The following CTBP2 variants were observed in gnomAD, a reference collection of about 807,000 sequenced individuals.
The protein encoded by CTBP2 is C-terminal-binding protein 2.
Under a neutral mutation model 80.3 loss-of-function variants are expected in CTBP2, and 30 were observed. The ratio of observed to expected loss-of-function variants is 0.37; its 90% CI spans 0.28 to 0.51. The LOEUF (loss-of-function observed/expected upper bound fraction) is 0.51. CTBP2 is among the 20% of genes least tolerant of loss of function. The pLI, the probability that CTBP2 is intolerant of heterozygous loss-of-function variation, is 0.93. For missense variants in CTBP2, 1,212 were observed against 1,375.3 expected (o/e 0.88, Z 1.88); for synonymous variants, 594 against 587.4 (o/e 1.01, Z -0.16).
rs1484438442 is a variant in CTBP2 at position 125,098,661 on chromosome 10, A to G, written c.-102+12329T>C. Among the ~76,000 whole-genome samples the G allele has an allele frequency of 2.8e-3, 130 of 46,252 alleles. 1 individual carries two copies. The highest frequency in any genetic ancestry group is 0.012 in the African/African-American group (123 of 9,862). The allele number at this position is 46,252 out of a possible 152,430, so 30.3% of individuals were successfully genotyped here. ...AGAGAGAGAAATGGGGGAGGGGGAGAGAGAGAGAGAGAGAGAGAGAGAGAG... is the reference window on the plus strand; with the variant it reads ...AGAGAGAGAAATGGGGGAGGGGGAGGGAGAGAGAGAGAGAGAGAGAGAGAG... On this transcript the variant is annotated intron_variant, in intron 2 of 10. Coordinates refer to the CTBP2 transcript ENST00000337195.
At chr10:125,025,743 G>A (rs907760229) in intron 1 of CTBP2, among the ~76,000 whole-genome samples, 2 of 152,098 alleles carry the variant, frequency 1.3e-5, no homozygotes, top group African/African-American at 4.8e-5. Context: ...CACCCCTCGT[G>A]AGCTCAAGGC....
In CTBP2 at chr10:125,026,905, G is replaced by A. The variant is rs542054569; in HGVS notation, c.855C>T (p.Gly285=). 2 of 1,614,022 alleles carry A rather than the reference G, an allele frequency of 1.2e-6. No homozygotes were observed. Among genetic ancestry groups the A allele is most frequent in the Non-Finnish European group, 1.7e-6 (2 of 1,180,028 alleles). The change falls in exon 1 of 9, where the codon GGC becomes GGT. Residue 285 remains glycine (G), a synonymous_variant. Coordinates refer to ENST00000309035, the MANE Select transcript of CTBP2 (RefSeq NM_022802.3). ...GGAACTCAGGGAGCACGGTCCTCTTGCCACCAGGACCCTGGAAGGTGGACA... is the reference window on the plus strand; with the variant it reads ...GGAACTCAGGGAGCACGGTCCTCTTACCACCAGGACCCTGGAAGGTGGACA...
Position 124,994,002 on chromosome 10 carries a change from A to G in CTBP2, c.2401-17T>C. 1 of 1,613,658 alleles carries G rather than the reference A, an allele frequency of 6.2e-7. No homozygotes were observed. The highest frequency in any genetic ancestry group is 8.5e-7 in the Non-Finnish European group (1 of 1,179,856). ...CTGCCTCATCTGTGGAAGGAAAGAA[A>G]AGCCGGTTACAGGCACACTGGCATG... On this transcript the variant is annotated splice_polypyrimidine_tract_variant and intron_variant, in intron 5 of 8. Transcript: ENST00000309035.
At position 124,986,413 on chromosome 10, in the gene CTBP2, A is replaced by G. The variant is rs1300336758; in HGVS notation, c.*3105T>C. On this transcript the variant is annotated 3_prime_UTR_variant, in exon 9 of 9. Transcript: ENST00000309035. The stretch of plus-strand genomic sequence containing the variant: ...TTGTTTAGTTGATAATGAAATGTGT[A>G]CAACCTCAAATTTGCTGCCAGAATA... The G allele has an allele frequency of 6.6e-6, 1 of 152,500 alleles. No individual in the cohort carries two copies. The highest frequency in any genetic ancestry group is 1.5e-5 in the Non-Finnish European group (1 of 68,038). 9.4% of individuals were successfully genotyped at this position (152,500 alleles called of 1,614,324 possible). A position where few individuals can be genotyped will look rare whatever the true frequency, so the allele number is the denominator to read the frequency against.
intron 4 of CTBP2, chr10:124,996,940 G>A (rs994360708): frequency 1.3e-5 from 2 of 152,260 alleles, no homozygotes; most frequent in African/African-American, 4.8e-5. Flanking sequence ...CCAGACCCAG[G>A]AGATCACAGC....
At chr10:125,022,222 C>T (rs9664044) in intron 1 of CTBP2, among the ~76,000 whole-genome samples, 38,910 of 152,122 alleles carry the variant, frequency 0.26, 5,268 homozygotes, top group Admixed American at 0.34. Flanking sequence ...GCTGTAGGGA[C>T]GCTCTTCCAA....
chr10:125,062,724 C>T (rs999042575), intron 2 of CTBP2, among the ~76,000 whole-genome samples: 5 of 152,062 alleles, frequency 3.3e-5, no homozygotes, highest in African/African-American at 4.8e-5. Flanking sequence ...TAGCCGGGTG[C>T]GGTGGCACAC....
chr10:125,040,283 C>T (rs1459652897), intron 2 of CTBP2, among the ~76,000 whole-genome samples: 1 of 151,714 alleles, frequency 6.6e-6, no homozygotes, highest in Non-Finnish European at 1.5e-5. Context: ...GGTAAAATCC[C>T]GTCTCTACTA....
At chr10:125,039,842 T>C (rs1959200688) in intron 2 of CTBP2, among the ~76,000 whole-genome samples, 1 of 152,226 alleles carries the variant, frequency 6.6e-6, no homozygotes. Context: ...GTTCCAGCTA[T>C]ATGGGCTGAA....
intron 2 of CTBP2, among the ~76,000 whole-genome samples, chr10:125,051,527 C>A (rs770365964): frequency 1.1e-4 from 17 of 152,102 alleles, no homozygotes; most frequent in Non-Finnish European, 2.4e-4. Flanking sequence ...GTAATCCCAG[C>A]TACTCAGGAG....
At chr10:125,017,324 A>G (rs750622933) in intron 1 of CTBP2, among the ~76,000 whole-genome samples, 1 of 152,244 alleles carries the variant, frequency 6.6e-6, no homozygotes. Flanking sequence ...CGATAAAGGC[A>G]GGAGAAACTC....
intron 2 of CTBP2, among the ~76,000 whole-genome samples, chr10:125,055,962 C>T (rs530306337): frequency 2.4e-4 from 36 of 152,040 alleles, no homozygotes; most frequent in Middle Eastern, 3.4e-3. Context: ...TCCAGGAGTT[C>T]GAGACCAGCC....
chr10:125,027,282 C>A lies in CTBP2; in HGVS notation c.478G>T (p.Asp160Tyr), dbSNP rs1442378030. ...GGATCCCGGTACAGGTGACCGGCGT[C>A]CTGCAGGGCAGGTGACCGGCCTTGC... Residue 160 changes from aspartate to tyrosine, a missense_variant, in exon 1 of 9, where the codon GAC becomes TAC. Transcript: ENST00000309035. 1 of 1,613,762 alleles carries A rather than the reference C, an allele frequency of 6.2e-7. No homozygotes were observed. Among genetic ancestry groups the A allele is most frequent in the South Asian group, 1.1e-5 (1 of 91,084 alleles).
At chr10:125,012,579 G>C (rs1381203977) in intron 1 of CTBP2, among the ~76,000 whole-genome samples, 1 of 152,174 alleles carries the variant, frequency 6.6e-6, no homozygotes, top group African/African-American at 2.4e-5. Context: ...CACTCGTGTG[G>C]CCGATCCTCC....
In CTBP2 at chr10:124,998,078, A is replaced by G; in HGVS notation, c.2071T>C (p.Trp691Arg). 1 of 1,613,104 alleles carries G rather than the reference A, an allele frequency of 6.2e-7. No individual in the cohort carries two copies. The highest frequency in any genetic ancestry group is 8.5e-7 in the Non-Finnish European group (1 of 1,179,886). ...CCTTCCCGCAGTGCCTGGTACAGCC[A>G]CGTGTTCCTCCGGTACAGGTTGAGG... is the stretch of plus-strand genomic sequence containing the variant. Residue 691 changes from tryptophan to arginine, a missense_variant, in exon 4 of 9, where the codon TGG becomes CGG. Physicochemically the swap from Trp to Arg is moderately radical, Grantham distance 101 (BLOSUM62 -3). Around this residue, in one of 3 missense-constraint regions of CTBP2, gnomAD observed 335 missense variants for 504.7 expected, o/e 0.66. Coordinates refer to ENST00000309035, the MANE Select transcript of CTBP2 (RefSeq NM_022802.3).
upstream of CTBP2, chr10:125,162,288 C>T (rs1037114165): frequency 2.0e-5 from 3 of 152,332 alleles, no homozygotes; most frequent in Non-Finnish European, 4.4e-5. Context: ...TCTCCTCCAT[C>T]CCTGAGTGCC....
intron 4 of CTBP2, 136 bp downstream of exon 6, chr10:124,997,828 G>A (rs1953841423): frequency 3.5e-6 from 3 of 852,556 alleles, no homozygotes; most frequent in African/African-American, 1.7e-5. Context: ...CCTACCCCGT[G>A]CAACACGGGG....
chr10:125,066,932 G>T lies in CTBP2; in HGVS notation c.-101-27777C>A, dbSNP rs143170146. 2.6e-3 allele frequency among the ~76,000 whole-genome samples: 400 copies of T among 152,192 alleles called. 2 individuals carry two copies. The highest frequency in any genetic ancestry group is 5.0e-3 in the Non-Finnish European group (338 of 68,008). Reference sequence around the variant, plus strand: ...TTCCCAGCTCCATGGAAAAGTCTTTGGTCAGCTGAACGCAGGCAAGGCTGC... The same window carrying T: ...TTCCCAGCTCCATGGAAAAGTCTTTTGTCAGCTGAACGCAGGCAAGGCTGC... On this transcript the variant is annotated intron_variant, in intron 2 of 10. Coordinates refer to the CTBP2 transcript ENST00000337195. This position sits in a 1 kb window ranked among gnomAD's most constrained non-coding sequence, Gnocchi z 4.1.
intron 2 of CTBP2, among the ~76,000 whole-genome samples, chr10:125,056,114 G>A (rs1328706410): frequency 2.6e-5 from 4 of 151,778 alleles, no homozygotes; most frequent in African/African-American, 4.9e-5. Flanking sequence ...ACAGTGTGCC[G>A]AGATCACGCC....
Sources: gnomAD v4.1 joint callset for allele counts (sites outside exome capture counted in the v4.1 genomes callset) on GRCh38, gnomAD v4.1.1 for gene constraint, gnomAD v4.1.1 regional missense constraint, Gnocchi (gnomAD v3.1) non-coding constraint, MANE v1.5 for transcripts, NCBI Gene and HGNC (gene_info 2026-07-23, HGNC 2026-07-21) for gene names.